Variants in SMURF2 observed in about 807,000 individuals in gnomAD.
SMURF2 encodes the protein SMAD specific E3 ubiquitin protein ligase 2.
In SMURF2, 48 loss-of-function variants were observed where a neutral mutation model predicts 109.6. The observed-to-expected ratio is 0.44, with a 90% CI of 0.35 to 0.56. SMURF2 has a LOEUF of 0.56. Among genes scored for constraint, SMURF2 ranks in the 20% least tolerant of loss-of-function variants. The pLI is 0.01. For missense variants in SMURF2, 575 were observed against 909.0 expected (o/e 0.63, Z 4.72); for synonymous variants, 288 against 317.1 (o/e 0.91, Z 0.97).
chr17:64,560,285 C>T (rs1969193880), intron 12 of SMURF2, among the ~76,000 whole-genome samples: 1 of 151,998 alleles, frequency 6.6e-6, no homozygotes, highest in South Asian at 2.1e-4. Flanking sequence ...TACTTAGATG[C>T]CACCAGTAGT....
rs555533908 is a variant in SMURF2, at chr17:64,586,488, C to G, written c.401-318G>C. Among the ~76,000 whole-genome samples, 9 of 152,236 alleles carry G rather than the reference C, an allele frequency of 5.9e-5. No individual in the cohort carries two copies. The East Asian group carries it at 1.7e-3, about 29-fold the overall frequency. On this transcript the variant is annotated intron_variant, in intron 5 of 18. Coordinates refer to ENST00000262435, the MANE Select transcript of SMURF2 (RefSeq NM_022739.4). ...GCATAGCTGGGCGCGGTGGCTCATG[C>G]CTGTAATCCCAGCACTTTGGGAGGC...
intron 12 of SMURF2, among the ~76,000 whole-genome samples, chr17:64,558,792 C>T (rs187269580): frequency 1.8e-4 from 27 of 152,270 alleles, no homozygotes; most frequent in Admixed American, 6.5e-4. Context: ...ATTTGTTACT[C>T]ACTTTGGAAA....
chr17:64,621,948 A>G (rs1279634148), intron 1 of SMURF2, among the ~76,000 whole-genome samples: 4 of 137,410 alleles, frequency 2.9e-5, no homozygotes, highest in African/African-American at 5.9e-5. Context: ...GTGAGCCATC[A>G]TCGCAATAAT....
intron 2 of SMURF2, among the ~76,000 whole-genome samples, chr17:64,602,550 A>C (rs1969912405): frequency 6.6e-6 from 1 of 152,198 alleles, no homozygotes; most frequent in African/African-American, 2.4e-5. Flanking sequence ...AGTTACTCCC[A>C]TGTGGTCAAA....
At chr17:64,557,370 C>G (rs570303134) in intron 13 of SMURF2, among the ~76,000 whole-genome samples, 14 of 152,298 alleles carry the variant, frequency 9.2e-5, no homozygotes, top group African/African-American at 2.9e-4. Flanking sequence ...GTCCCCGCTC[C>G]TGAAGACAAC....
At chr17:64,583,960 G>T (rs1969611565) in intron 6 of SMURF2, among the ~76,000 whole-genome samples, 1 of 151,998 alleles carries the variant, frequency 6.6e-6, no homozygotes, top group Non-Finnish European at 1.5e-5. Flanking sequence ...ACCGCATCCG[G>T]CCAAAAGCTT....
chr17:64,613,505 A>G (rs186719314), intron 1 of SMURF2, among the ~76,000 whole-genome samples: 13 of 152,118 alleles, frequency 8.5e-5, no homozygotes, highest in African/African-American at 3.1e-4. Context: ...GAAAATAGGT[A>G]AAAATGTTGA....
At position 64,661,947 on chromosome 17, in the gene SMURF2, C is replaced by T; in HGVS notation, c.-67G>A. On this transcript the variant is annotated 5_prime_UTR_variant, in exon 1 of 19. An upstream open reading frame in the 5' UTR loses its in-frame stop. Coordinates refer to ENST00000262435, the MANE Select transcript of SMURF2 (RefSeq NM_022739.4). ...GGGCGACGGCGAGGCGCGGCGGAGT[C>T]ACCACAGCGGCCGGGGCTGGGGCCC... 8.7e-7 allele frequency: 1 copy of T among 1,143,352 alleles called. No individual in the cohort carries two copies. Among genetic ancestry groups the T allele is most frequent in the Non-Finnish European group, 1.1e-6 (1 of 931,656 alleles). The allele number at this position is 1,143,352 out of a possible 1,614,324, so 70.8% of individuals were successfully genotyped here. A position where few individuals can be genotyped will look rare whatever the true frequency, so the allele number is the denominator to read the frequency against.
intron 1 of SMURF2, among the ~76,000 whole-genome samples, chr17:64,617,321 G>A (rs576011102): frequency 6.6e-6 from 1 of 151,940 alleles, no homozygotes; most frequent in South Asian, 2.1e-4. Flanking sequence ...AACAAACTAG[G>A]CCCTTAAGTT....
intron 5 of SMURF2, among the ~76,000 whole-genome samples, chr17:64,588,907 G>T (rs1281215810): frequency 6.6e-6 from 1 of 152,192 alleles, no homozygotes; most frequent in Non-Finnish European, 1.5e-5. Flanking sequence ...ACAGACGTGA[G>T]CCACTGTGCC....
rs1227532206 is a variant in SMURF2 at position 64,564,115 on chromosome 17, G to A, written c.1017-1149C>T. 2.6e-5 allele frequency among the ~76,000 whole-genome samples: 4 copies of A among 152,114 alleles called. No homozygotes were observed. In the East Asian group the frequency reaches 7.7e-4, roughly 29 times the overall value. ...TGCCAAAGAAGCCATTCTACTCCTA[G>A]GTTATTTATTTAACCAAGAGAAATG... On this transcript the variant is annotated intron_variant, in intron 10 of 18. Coordinates refer to ENST00000262435, the MANE Select transcript of SMURF2 (RefSeq NM_022739.4).
intron 6 of SMURF2, among the ~76,000 whole-genome samples, chr17:64,584,235 T>C (rs1318031054): frequency 1.2e-4 from 18 of 150,360 alleles, no homozygotes; most frequent in African/African-American, 4.4e-4. Flanking sequence ...GGAGAATTGC[T>C]TGAACCGGGG....
chr17:64,579,637 A>T (rs1413222635), intron 8 of SMURF2, among the ~76,000 whole-genome samples: 1 of 152,192 alleles, frequency 6.6e-6, no homozygotes, highest in Admixed American at 6.5e-5. Context: ...ATTTCTTCTC[A>T]GGTCTGAACA....
At chr17:64,651,095 G>T (rs1240812764) in intron 1 of SMURF2, among the ~76,000 whole-genome samples, 1 of 151,972 alleles carries the variant, frequency 6.6e-6, no homozygotes, top group Admixed American at 6.6e-5. Flanking sequence ...TACTTGGGAG[G>T]GTGAAGCAGG....
intron 17 of SMURF2, 104 bp from the exon 18 acceptor site, chr17:64,546,442 G>A (rs1968955753): frequency 1.0e-6 from 1 of 972,280 alleles, no homozygotes; most frequent in Admixed American, 2.3e-5. Context: ...CTGGGGATAG[G>A]GGAATGCTAA....
At chr17:64,656,171 G>A (rs140010871) in intron 1 of SMURF2, among the ~76,000 whole-genome samples, 579 of 152,214 alleles carry the variant, frequency 3.8e-3, no homozygotes, top group Non-Finnish European at 6.6e-3. Context: ...TCCAAGTATA[G>A]AATAGGAAAA....
intron 10 of SMURF2, among the ~76,000 whole-genome samples, chr17:64,566,865 C>A (rs1199392563): frequency 6.7e-6 from 1 of 149,674 alleles, no homozygotes; most frequent in Non-Finnish European, 1.5e-5. Context: ...CCATCGTGCC[C>A]CGCTGACAGA....
intron 10 of SMURF2, among the ~76,000 whole-genome samples, chr17:64,564,340 T>C (rs1008524235): frequency 6.6e-6 from 1 of 152,090 alleles, no homozygotes; most frequent in African/African-American, 2.4e-5. Context: ...GTAAAAGAAA[T>C]CATACTGCAT....
chr17:64,563,662 T>G (rs1222523713), intron 10 of SMURF2, among the ~76,000 whole-genome samples: 3 of 152,186 alleles, frequency 2.0e-5, no homozygotes, highest in Non-Finnish European at 4.4e-5. Context: ...CCATAAAACT[T>G]CTAAGCACAG....
Sources: allele counts gnomAD v4.1 joint callset (sites outside exome capture counted in the v4.1 genomes callset), GRCh38; gene constraint gnomAD v4.1.1; transcripts MANE v1.5; gene names NCBI Gene and HGNC (gene_info 2026-07-23, HGNC 2026-07-21).